Variants in HTR4 observed in about 807,000 individuals in gnomAD.
HTR4 encodes 5-hydroxytryptamine receptor 4, also known as 5-hydroxytryptamine (serotonin) receptor 4, G protein-coupled.
HTR4 carries 16 observed loss-of-function variants against 36.8 expected under a neutral mutation model. The observed-to-expected ratio is 0.43, with a 90% confidence interval of 0.29 to 0.66. The LOEUF (loss-of-function observed/expected upper bound fraction) is 0.66. Ranked by LOEUF, HTR4 falls within the 30% of genes least tolerant of loss-of-function variation. The pLI, the probability that HTR4 is intolerant of heterozygous loss-of-function variation, is 0.13. For missense variants in HTR4, 438 were observed against 490.9 expected (o/e 0.89, Z 1.02); for synonymous variants, 189 against 185.1 (o/e 1.02, Z -0.17).
At chr5:148,592,989 T>C (rs1761630408) in intron 2 of HTR4, among the ~76,000 whole-genome samples, 1 of 152,208 alleles carries the variant, frequency 6.6e-6, no homozygotes, top group Non-Finnish European at 1.5e-5. Flanking sequence ...TTCTTCATCA[T>C]AATGTCTCAT....
chr5:148,476,248 G>C (rs1248577515), downstream of HTR4, among the ~76,000 whole-genome samples: 9 of 152,146 alleles, frequency 5.9e-5, no homozygotes. Flanking sequence ...GTGAAATGGA[G>C]GCCAATGTCC....
intron 2 of HTR4, among the ~76,000 whole-genome samples, chr5:148,578,194 G>T (rs1176963412): frequency 2.0e-5 from 3 of 152,016 alleles, no homozygotes; most frequent in African/African-American, 7.2e-5. Context: ...TGCACACAAG[G>T]AGGGGTAAAC....
At chr5:148,607,905 T>C (rs1479202236) in intron 2 of HTR4, among the ~76,000 whole-genome samples, 1 of 152,156 alleles carries the variant, frequency 6.6e-6, no homozygotes, top group African/African-American at 2.4e-5. Context: ...TATTTATTTA[T>C]ACTTTCAAAT....
downstream of HTR4, among the ~76,000 whole-genome samples, chr5:148,477,962 C>T (rs1166132457): frequency 6.6e-6 from 1 of 152,164 alleles, no homozygotes; most frequent in Non-Finnish European, 1.5e-5. Flanking sequence ...CTAAAACACC[C>T]CCTTGCCCAT....
chr5:148,632,755 G>C (rs1188431665), intron 2 of HTR4, among the ~76,000 whole-genome samples: 1 of 152,112 alleles, frequency 6.6e-6, no homozygotes, highest in Non-Finnish European at 1.5e-5. Flanking sequence ...AGAAAAAAGA[G>C]ACAGAAACCT....
chr5:148,486,954 A>G (rs1303664371), intron 6 of HTR4, among the ~76,000 whole-genome samples: 1 of 152,222 alleles, frequency 6.6e-6, no homozygotes, highest in Admixed American at 6.5e-5. Flanking sequence ...GATCAAAAAC[A>G]TTGGCAGAGC....
intron 5 of HTR4, among the ~76,000 whole-genome samples, chr5:148,515,526 A>T (rs13436811): frequency 0.012 from 1,819 of 152,242 alleles, 41 homozygotes; most frequent in African/African-American, 0.042. Flanking sequence ...GATGTGGAAA[A>T]ATTCCCTTCG....
intron 1 of HTR4, among the ~76,000 whole-genome samples, chr5:148,639,562 A>T: frequency 6.8e-6 from 1 of 146,596 alleles, no homozygotes; most frequent in South Asian, 2.2e-4. Flanking sequence ...ACAATTTCAC[A>T]CCCCATTTTC....
intron 2 of HTR4, among the ~76,000 whole-genome samples, chr5:148,573,882 A>G (rs1453353621): frequency 6.6e-6 from 1 of 152,004 alleles, no homozygotes; most frequent in Non-Finnish European, 1.5e-5. Flanking sequence ...CTAATGGTCT[A>G]CCTGGATCTA....
chr5:148,485,224 C>T (rs980915455), intron 6 of HTR4, among the ~76,000 whole-genome samples: 2 of 152,138 alleles, frequency 1.3e-5, no homozygotes, highest in African/African-American at 4.8e-5. Flanking sequence ...GCAGTATGTG[C>T]CTTAATTCAT....
chr5:148,577,862 T>C (rs951458879), intron 2 of HTR4, among the ~76,000 whole-genome samples: 6 of 151,842 alleles, frequency 4.0e-5, no homozygotes, highest in African/African-American at 1.5e-4. Context: ...AAGATAACTA[T>C]TGGGTGCTGG....
chr5:148,608,528 A>C (rs572463277), intron 2 of HTR4, among the ~76,000 whole-genome samples: 16 of 152,340 alleles, frequency 1.1e-4, no homozygotes, highest in African/African-American at 3.4e-4. Context: ...TAAAGTAGAA[A>C]GTGGTATGAT....
chr5:148,542,808 CCT>C (rs1759186563), intron 4 of HTR4, among the ~76,000 whole-genome samples: 1 of 152,126 alleles, frequency 6.6e-6, no homozygotes, highest in South Asian at 2.1e-4. Context: ...GGATGATATA[CCT>C]CTGTTTTGTT....
At chr5:148,475,323 T>A (rs1755669216), downstream of HTR4, among the ~76,000 whole-genome samples, 1 of 152,230 alleles carries the variant, frequency 6.6e-6, no homozygotes. Flanking sequence ...CCAGTCAAAA[T>A]TTTTTTACGA....
intron 1 of HTR4, among the ~76,000 whole-genome samples, chr5:148,643,181 T>C (rs1753779894): frequency 6.6e-6 from 1 of 152,172 alleles, no homozygotes. Context: ...TTTTTAACTT[T>C]TTTAAAAGTA....
chr5:148,473,284 A>G (rs929648249), downstream of HTR4, among the ~76,000 whole-genome samples: 74 of 148,794 alleles, frequency 5.0e-4, no homozygotes, highest in African/African-American at 1.7e-3. Flanking sequence ...CCTGGGCAAC[A>G]GAGCGAGACT....
At chr5:148,560,189 C>A (rs1208135091) in intron 2 of HTR4, among the ~76,000 whole-genome samples, 25 of 120,452 alleles carry the variant, frequency 2.1e-4, no homozygotes, top group Non-Finnish European at 2.9e-4. Flanking sequence ...TTCTTTTTTA[C>A]GGAAAGCTTT....
chr5:148,506,833 C>T (rs1757239560), intron 6 of HTR4, among the ~76,000 whole-genome samples: 1 of 152,204 alleles, frequency 6.6e-6, no homozygotes, highest in Admixed American at 6.5e-5. Flanking sequence ...GATACCATCT[C>T]ACACCAGTTA....
chr5:148,641,992 T>C (rs1275558401), intron 1 of HTR4, among the ~76,000 whole-genome samples: 1 of 152,208 alleles, frequency 6.6e-6, no homozygotes, highest in Non-Finnish European at 1.5e-5. Flanking sequence ...CCTGGAGCTA[T>C]GTCATAACCT....
Sources: gnomAD v4.1 joint callset for allele counts (sites outside exome capture counted in the v4.1 genomes callset) on GRCh38, gnomAD v4.1.1 for gene constraint, MANE v1.5 for transcripts, NCBI Gene and HGNC (gene_info 2026-07-23, HGNC 2026-07-21) for gene names.